The following TTC7A variants were observed in gnomAD, a reference collection of about 807,000 sequenced individuals.
The protein encoded by TTC7A is tetratricopeptide repeat domain 7A.
Under a neutral mutation model 103.7 loss-of-function variants are expected in TTC7A, and 110 were observed. That is an observed-to-expected ratio of 1.06 (90% confidence interval 0.91 to 1.24). The LOEUF (loss-of-function observed/expected upper bound fraction) is 1.24. TTC7A is among the 50% of genes most tolerant of loss of function. TTC7A has a pLI of 0.00. For missense variants in TTC7A, 1,340 were observed against 1,116.3 expected (o/e 1.20, Z -2.86); for synonymous variants, 521 against 467.9 (o/e 1.11, Z -1.47).
intron 13 of TTC7A, among the ~76,000 whole-genome samples, chr2:47,023,970 T>C (rs185557291): frequency 1.8e-4 from 27 of 151,106 alleles, no homozygotes; most frequent in African/African-American, 6.3e-4. Context: ...TCACTCCCTC[T>C]CTGCCCATGG....
intron 14 of TTC7A, among the ~76,000 whole-genome samples, chr2:47,028,860 T>G (rs1680198499): frequency 6.6e-6 from 1 of 152,140 alleles, no homozygotes; most frequent in Non-Finnish European, 1.5e-5. Flanking sequence ...CACCCCATTT[T>G]CATCATCTCC....
At chr2:46,934,060 C>T (rs753157519) in intron 2 of TTC7A, among the ~76,000 whole-genome samples, 5 of 152,004 alleles carry the variant, frequency 3.3e-5, no homozygotes, top group Non-Finnish European at 5.9e-5. Context: ...TTGATGAAGG[C>T]GAGGAGAATG....
At chr2:47,012,245 T>C (rs1211450951) in intron 11 of TTC7A, among the ~76,000 whole-genome samples, 1 of 152,242 alleles carries the variant, frequency 6.6e-6, no homozygotes, top group African/African-American at 2.4e-5. Flanking sequence ...GGCCCACTTC[T>C]GGATAATCTT....
chr2:47,032,165 C>T (rs569979818), intron 15 of TTC7A, among the ~76,000 whole-genome samples: 2 of 152,356 alleles, frequency 1.3e-5, no homozygotes, highest in African/African-American at 4.8e-5. Flanking sequence ...GGTGACTGCC[C>T]CCAGGAGGCC....
chr2:47,073,652 C>T (rs1684965744), intron 19 of TTC7A, 50 bp from the exon 20 acceptor site: 1 of 1,547,666 alleles, frequency 6.5e-7, no homozygotes, highest in South Asian at 1.1e-5. Flanking sequence ...TGCCAAGATG[C>T]CTGTGCCATG....
In TTC7A at chr2:46,941,824, G is replaced by T. The variant is rs1202146904; in HGVS notation, c.184+99G>T. On this transcript the variant is annotated intron_variant, in intron 1 of 19. Coordinates refer to ENST00000319190, the MANE Select transcript of TTC7A (RefSeq NM_020458.4). This position sits in a 1 kb window ranked among gnomAD's most constrained non-coding sequence, Gnocchi z 4.2. Reference sequence around the variant, plus strand: ...AGACAGTCCTCGGCCGACAGCGGGCGCCTGCCAGCCCACCGTGCTAGTCTT... The same window carrying T: ...AGACAGTCCTCGGCCGACAGCGGGCTCCTGCCAGCCCACCGTGCTAGTCTT... 6.2e-6 allele frequency: 9 copies of T among 1,449,886 alleles called. No homozygotes were observed. In the South Asian group the frequency reaches 7.7e-5, roughly 12 times the overall value. The allele number at this position is 1,449,886 out of a possible 1,614,324, so 89.8% of individuals were successfully genotyped here.
At chr2:46,974,417 G>C (rs1017588236) in intron 3 of TTC7A, among the ~76,000 whole-genome samples, 1 of 152,216 alleles carries the variant, frequency 6.6e-6, no homozygotes, top group Admixed American at 6.5e-5. Context: ...ATACTCTCCA[G>C]TTGGGAGAGA....
At chr2:47,016,375 G>A (rs1572915622) in intron 11 of TTC7A, among the ~76,000 whole-genome samples, 1 of 152,220 alleles carries the variant, frequency 6.6e-6, no homozygotes, top group Non-Finnish European at 1.5e-5. Flanking sequence ...AGGTGACCTT[G>A]GATAGGTCGC....
chr2:47,036,619 G>C (rs1347677606), intron 15 of TTC7A, among the ~76,000 whole-genome samples: 1 of 152,168 alleles, frequency 6.6e-6, no homozygotes, highest in African/African-American at 2.4e-5. Flanking sequence ...GGCTTTGGGA[G>C]GCCAAGGCAG....
chr2:46,938,965 C>T (rs1159194412), upstream of TTC7A, among the ~76,000 whole-genome samples: 1 of 149,444 alleles, frequency 6.7e-6, no homozygotes, highest in Non-Finnish European at 1.5e-5. Flanking sequence ...GAGCTGAGAT[C>T]GTGCCACTGC....
Position 47,074,561 on chromosome 2 carries a change from C to G in TTC7A, c.*638C>G, listed in dbSNP as rs959293399. 1 of 153,254 alleles carries G rather than the reference C, an allele frequency of 6.5e-6. No individual in the cohort carries two copies. The highest frequency in any genetic ancestry group is 1.5e-5 in the Non-Finnish European group (1 of 68,566). 9.5% of individuals were successfully genotyped at this position (153,254 alleles called of 1,614,324 possible). On this transcript the variant is annotated 3_prime_UTR_variant, in exon 20 of 20. Transcript: ENST00000319190. ...CCCACCCCATCTCCCTGGCGATGTG[C>G]TCCAGCCCAAGCAGCCTCCGTAGGC...
At chr2:47,020,252 T>C (rs138725423) in intron 11 of TTC7A, among the ~76,000 whole-genome samples, 7 of 152,162 alleles carry the variant, frequency 4.6e-5, no homozygotes, top group Non-Finnish European at 8.8e-5. Flanking sequence ...GAGCCAGGAG[T>C]GGAGCCTGTC....
intron 18 of TTC7A, among the ~76,000 whole-genome samples, chr2:47,055,893 G>A (rs182604035): frequency 3.3e-5 from 5 of 152,248 alleles, no homozygotes; most frequent in East Asian, 1.9e-4. Context: ...AGAAGCTGGC[G>A]CTCACCCTTG....
At chr2:47,058,970 A>G (rs1403735210) in intron 18 of TTC7A, among the ~76,000 whole-genome samples, 1 of 139,396 alleles carries the variant, frequency 7.2e-6, no homozygotes, top group African/African-American at 2.8e-5. Flanking sequence ...GCCCTTTCTC[A>G]GTGAGGGAAT....
At chr2:46,946,033 G>A (rs1670906658) in intron 1 of TTC7A, among the ~76,000 whole-genome samples, 1 of 152,198 alleles carries the variant, frequency 6.6e-6, no homozygotes, top group African/African-American at 2.4e-5. Flanking sequence ...CAAACATGGG[G>A]TCTTGAAGGG....
At chr2:46,981,120 C>G (rs1674411212) in intron 5 of TTC7A, among the ~76,000 whole-genome samples, 1 of 152,178 alleles carries the variant, frequency 6.6e-6, no homozygotes, top group South Asian at 2.1e-4. Flanking sequence ...TTCAGCCCCT[C>G]TCTGGCCCTT....
At chr2:47,017,935 G>GAT (rs35641862) in intron 11 of TTC7A, among the ~76,000 whole-genome samples, 1 of 151,450 alleles carries the variant, frequency 6.6e-6, no homozygotes, top group South Asian at 2.1e-4. Context: ...ACAAAATATG[G>GAT]ATATATATAT....
intron 5 of TTC7A, among the ~76,000 whole-genome samples, chr2:46,990,750 G>A (rs969898386): frequency 1.3e-4 from 20 of 152,184 alleles, no homozygotes; most frequent in Non-Finnish European, 5.9e-5. Flanking sequence ...CAAAGCTGGG[G>A]TTACTGTGTC....
intron 2 of TTC7A, among the ~76,000 whole-genome samples, chr2:46,955,657 G>T (rs985461801): frequency 6.6e-6 from 1 of 152,206 alleles, no homozygotes; most frequent in African/African-American, 2.4e-5. Context: ...GGTGAATTTG[G>T]CTTCCCCAGA....
Sources: gnomAD v4.1 joint callset for allele counts (sites outside exome capture counted in the v4.1 genomes callset) on GRCh38, gnomAD v4.1.1 for gene constraint, Gnocchi (gnomAD v3.1) non-coding constraint, MANE v1.5 for transcripts, NCBI Gene and HGNC (gene_info 2026-07-23, HGNC 2026-07-21) for gene names.